Variants in VPS13D observed in about 807,000 individuals in gnomAD.
VPS13D encodes vacuolar protein sorting 13 homolog D.
A neutral mutation model predicts 461.9 loss-of-function variants in VPS13D; 187 were observed. The observed-to-expected ratio is 0.40, with a 90% CI of 0.36 to 0.46. VPS13D has a LOEUF of 0.46. Among genes scored for constraint, VPS13D ranks in the 20% least tolerant of loss-of-function variants. VPS13D has a pLI of 0.60. For missense variants in VPS13D, 4,711 were observed against 5,364.9 expected (o/e 0.88, Z 3.81); for synonymous variants, 1,951 against 1,986.3 (o/e 0.98, Z 0.47).
intron 67 of VPS13D, among the ~76,000 whole-genome samples, chr1:12,488,272 C>CT (rs1222458050): frequency 6.6e-6 from 1 of 152,242 alleles, no homozygotes; most frequent in African/African-American, 2.4e-5. Context: ...CAAGTACCTA[C>CT]TATGTGCCAG....
intron 68 of VPS13D, 118 bp from the exon 69 acceptor site, chr1:12,506,735 C>T (rs1386176825): frequency 1.2e-5 from 16 of 1,356,568 alleles, no homozygotes; most frequent in South Asian, 2.8e-5. Context: ...AAGTATTTCC[C>T]GGCAAGGGGG....
chr1:12,241,731 T>G (rs1640380976), intron 2 of VPS13D, among the ~76,000 whole-genome samples: 1 of 152,182 alleles, frequency 6.6e-6, no homozygotes, highest in Non-Finnish European at 1.5e-5. Context: ...GTAGAGGTGC[T>G]AAGGAGTTCC....
chr1:12,479,440 G>A (rs1432946989), intron 67 of VPS13D, among the ~76,000 whole-genome samples: 1 of 152,234 alleles, frequency 6.6e-6, no homozygotes, highest in Non-Finnish European at 1.5e-5. Context: ...CGGGATGACA[G>A]TGCTGCAGAA....
intron 67 of VPS13D, among the ~76,000 whole-genome samples, chr1:12,493,574 C>T (rs190143323): frequency 1.5e-3 from 232 of 151,576 alleles, no homozygotes; most frequent in African/African-American, 5.4e-3. Context: ...AAAATGGACA[C>T]ACTGTCACTG....
At chr1:12,497,772 G>GT (rs1285153820) in intron 68 of VPS13D, 141 bp downstream of exon 68, 12 of 1,123,664 alleles carry the variant, frequency 1.1e-5, no homozygotes, top group Admixed American at 3.2e-5. Flanking sequence ...TGCCCCAAAT[G>GT]TTTTTTAGAT....
chr1:12,268,387 C>T (rs1038835237), intron 15 of VPS13D, among the ~76,000 whole-genome samples: 1 of 151,396 alleles, frequency 6.6e-6, no homozygotes, highest in African/African-American at 2.4e-5. Context: ...GCTGTGTACA[C>T]CAGGGTTTCA....
Position 12,275,806 on chromosome 1 carries a change from T to C in VPS13D, c.2237-19T>C. On this transcript the variant is annotated intron_variant, in intron 18 of 69. Transcript: ENST00000620676. ...GAAATAGCAGACATATATTTGAATC[T>C]TCTTTTTTTTATCTTCAGATAACTC... The C allele has an allele frequency of 6.5e-7, 1 of 1,544,618 alleles. No individual in the cohort carries two copies. The highest frequency in any genetic ancestry group is 8.7e-7 in the Non-Finnish European group (1 of 1,148,462).
intron 30 of VPS13D, among the ~76,000 whole-genome samples, chr1:12,315,123 T>A (rs1006389849): frequency 2.0e-5 from 3 of 152,380 alleles, no homozygotes; most frequent in African/African-American, 7.2e-5. Context: ...TTAGGCCTGG[T>A]CTAAAGAAGT....
intron 65 of VPS13D, among the ~76,000 whole-genome samples, chr1:12,452,869 G>A (rs1251372886): frequency 6.6e-6 from 1 of 152,226 alleles, no homozygotes; most frequent in African/African-American, 2.4e-5. Flanking sequence ...TGTAATGGTT[G>A]ACTGTTAACA....
At position 12,279,720 on chromosome 1, in the gene VPS13D, T is replaced by C. The variant is rs1641720361; in HGVS notation, c.4602+70T>C. 7.8e-7 allele frequency: 1 copy of C among 1,286,774 alleles called. No individual in the cohort carries two copies. Among genetic ancestry groups the C allele is most frequent in the Non-Finnish European group, 1.0e-6 (1 of 965,026 alleles). 79.7% of individuals were successfully genotyped at this position (1,286,774 alleles called of 1,614,324 possible). A position where few individuals can be genotyped will look rare whatever the true frequency, so the allele number is the denominator to read the frequency against. The stretch of plus-strand genomic sequence containing the variant: ...ACTCTATAAATATGATATATATTTA[T>C]GTATATTACATGTTGGAAGGAATAT... On this transcript the variant is annotated intron_variant, in intron 20 of 69. Coordinates refer to ENST00000620676, the MANE Select transcript of VPS13D (RefSeq NM_015378.4). The surrounding 1 kb of genome is among the most constrained non-coding windows in gnomAD (Gnocchi z 4.3).
intron 13 of VPS13D, among the ~76,000 whole-genome samples, chr1:12,266,415 TCA>T (rs1641270343): frequency 6.6e-6 from 1 of 152,190 alleles, no homozygotes; most frequent in South Asian, 2.1e-4. Context: ...CCCCAACACT[TCA>T]GCAACCACGC....
At chr1:12,506,774 A>G (rs1343029340) in intron 68 of VPS13D, 79 bp from the exon 69 acceptor site, 2 of 1,550,718 alleles carry the variant, frequency 1.3e-6, no homozygotes, top group African/African-American at 1.4e-5. Context: ...CCCTGGGGCC[A>G]CAGAGCCCGC....
chr1:12,277,671 T>C lies in VPS13D; in HGVS notation c.4083T>C (p.Tyr1361=). ...TTATCTTAGAGGAAAATGAAATATA[T>C]GGGTTTGACCTAGCTTCGTCTCATT... ...EPFILEENEI[Y]GFDLASSHLD... The change falls in exon 19 of 70, where the codon TAT becomes TAC. Residue 1361 remains tyrosine, a synonymous_variant. Transcript: ENST00000620676. The C allele has an allele frequency of 1.9e-6, 3 of 1,614,144 alleles. No individual in the cohort carries two copies. Among genetic ancestry groups the C allele is most frequent in the Non-Finnish European group, 2.5e-6 (3 of 1,180,014 alleles).
chr1:12,349,353 C>T lies in VPS13D; in HGVS notation c.9410C>T (p.Thr3137Ile). Residue 3137 changes from threonine to isoleucine, a missense_variant, in exon 46 of 70, where the codon ACA becomes ATA. Coordinates refer to ENST00000620676, the MANE Select transcript of VPS13D (RefSeq NM_015378.4). The part of the protein sequence containing the change: ...SSKRECHSMD[T>I]EKSRFFRFCV... ...AAACGAGAGTGCCACTCTATGGACA[C>T]AGAAAAAAGCCGATTTTTCAGGTAT... 1 of 1,613,720 alleles carries T rather than the reference C, an allele frequency of 6.2e-7. No homozygotes were observed. The highest frequency in any genetic ancestry group is 8.5e-7 in the Non-Finnish European group (1 of 1,179,982).
At chr1:12,400,107 A>G (rs1644554797) in intron 60 of VPS13D, 74 bp from the exon 61 acceptor site, 4 of 1,548,584 alleles carry the variant, frequency 2.6e-6, no homozygotes, top group African/African-American at 2.7e-5. Flanking sequence ...ATGAGGCCCC[A>G]CTCAAGCGTA....
At chr1:12,418,186 G>T (rs1185590966) in intron 65 of VPS13D, among the ~76,000 whole-genome samples, 2 of 152,236 alleles carry the variant, frequency 1.3e-5, no homozygotes, top group Non-Finnish European at 2.9e-5. Context: ...GGGATTACAG[G>T]TGTGAGCCAC....
At position 12,440,522 on chromosome 1, in the gene VPS13D, C is replaced by G. The variant is rs79448018; in HGVS notation, c.12334-15476C>G. 1.0e-3 allele frequency among the ~76,000 whole-genome samples: 157 copies of G among 152,254 alleles called. 1 individual carries two copies. The East Asian group carries it at 0.025, about 25-fold the overall frequency. On this transcript the variant is annotated intron_variant, in intron 65 of 69. Coordinates refer to ENST00000620676, the MANE Select transcript of VPS13D (RefSeq NM_015378.4). ...TAGTAATATGCAGGACAGGGTCTTA[C>G]AAGAGCACAGAAGAAGGGTTTGAAT...
intron 36 of VPS13D, among the ~76,000 whole-genome samples, chr1:12,328,116 T>C (rs1319381987): frequency 6.6e-6 from 1 of 152,260 alleles, no homozygotes; most frequent in Non-Finnish European, 1.5e-5. Context: ...AAATAATTCC[T>C]GATCTCTTCA....
intron 67 of VPS13D, among the ~76,000 whole-genome samples, chr1:12,481,740 G>T (rs1645720229): frequency 6.6e-6 from 1 of 152,218 alleles, no homozygotes; most frequent in Non-Finnish European, 1.5e-5. Flanking sequence ...AGTTCACCCT[G>T]ATGAGAATCA....
Sources: allele counts gnomAD v4.1 joint callset (sites outside exome capture counted in the v4.1 genomes callset), GRCh38; gene constraint gnomAD v4.1.1; non-coding constraint Gnocchi (gnomAD v3.1); transcripts MANE v1.5; gene names NCBI Gene and HGNC (gene_info 2026-07-23, HGNC 2026-07-21).